Variants in C1orf94 observed in about 807,000 individuals in gnomAD.
The protein encoded by C1orf94 is uncharacterized protein C1orf94.
A neutral mutation model predicts 53.6 loss-of-function variants in C1orf94; 45 were observed. That is an observed-to-expected ratio of 0.84 (90% CI 0.66 to 1.08). C1orf94 has a LOEUF of 1.08. C1orf94 is among the 50% of genes least tolerant of loss of function. The pLI, the probability that C1orf94 is intolerant of heterozygous loss-of-function variation, is 0.00. For synonymous variants in C1orf94, 304 were observed against 296.1 expected, an observed-to-expected ratio of 1.03 and a Z score of -0.27; for missense variants, 762 against 738.9, an observed-to-expected ratio of 1.03 and a Z score of -0.36.
intron 1 of C1orf94, among the ~76,000 whole-genome samples, chr1:34,188,133 A>C (rs1012870867): frequency 6.6e-6 from 1 of 152,142 alleles, no homozygotes; most frequent in Non-Finnish European, 1.5e-5. Flanking sequence ...CTATTTCTCC[A>C]AGGGTGCTGA....
chr1:34,171,653 T>C (rs921092792), intron 1 of C1orf94, among the ~76,000 whole-genome samples: 15 of 152,360 alleles, frequency 9.8e-5, no homozygotes, highest in African/African-American at 3.6e-4. Context: ...AGCATCTCTG[T>C]CTTTTATGAA....
intron 5 of C1orf94, among the ~76,000 whole-genome samples, chr1:34,208,461 C>T (rs1047161379): frequency 6.6e-6 from 1 of 152,174 alleles, no homozygotes; most frequent in Middle Eastern, 3.2e-3. Context: ...TGGGCCTGTC[C>T]GTAAGGACTG....
At chr1:34,212,508 A>G in intron 6 of C1orf94, 102 bp downstream of exon 6, 1 of 1,214,332 alleles carries the variant, frequency 8.2e-7, no homozygotes, top group East Asian at 2.6e-5. Context: ...TGTGTGTTCC[A>G]TGGCTGTGGG....
At chr1:34,198,009 C>A in intron 2 of C1orf94, 96 bp downstream of exon 2, 1 of 1,287,090 alleles carries the variant, frequency 7.8e-7, no homozygotes, top group Non-Finnish European at 1.1e-6. Context: ...AAAGCATCTT[C>A]ATGCAAAGCA....
At chr1:34,215,559 AG>A (rs907448565) in intron 6 of C1orf94, among the ~76,000 whole-genome samples, 2 of 152,172 alleles carry the variant, frequency 1.3e-5, no homozygotes, top group Non-Finnish European at 2.9e-5. Context: ...ACCCTGGGAA[AG>A]GGGGCAGGTG....
chr1:34,178,511 T>A (rs960132512), intron 1 of C1orf94, among the ~76,000 whole-genome samples: 1 of 152,220 alleles, frequency 6.6e-6, no homozygotes, highest in African/African-American at 2.4e-5. Context: ...TCTGATGGTT[T>A]TAAATCACAT....
At chr1:34,190,177 C>T (rs1642460185) in intron 1 of C1orf94, among the ~76,000 whole-genome samples, 1 of 152,154 alleles carries the variant, frequency 6.6e-6, no homozygotes, top group East Asian at 1.9e-4. Flanking sequence ...CTGTAAAACC[C>T]AGCACCTAGC....
intron 1 of C1orf94, among the ~76,000 whole-genome samples, chr1:34,184,154 T>C (rs1642351149): frequency 6.6e-6 from 1 of 152,062 alleles, no homozygotes; most frequent in Admixed American, 6.5e-5. Context: ...CTGCACTGTG[T>C]GATGAAAGAT....
At chr1:34,176,725 G>A (rs866434788), upstream of C1orf94, among the ~76,000 whole-genome samples, 6 of 152,334 alleles carry the variant, frequency 3.9e-5, no homozygotes, top group Non-Finnish European at 5.9e-5. Context: ...ATGGCAGTTA[G>A]GATTAAAATC....
intron 6 of C1orf94, 92 bp from the exon 7 acceptor site, chr1:34,218,592 TTC>T: frequency 1.9e-6 from 2 of 1,026,892 alleles, no homozygotes; most frequent in Middle Eastern, 3.3e-4. Flanking sequence ...TCTTCACTGT[TTC>T]TGACAACCAT....
chr1:34,189,580 A>G (rs1642449198), intron 1 of C1orf94, among the ~76,000 whole-genome samples: 1 of 152,166 alleles, frequency 6.6e-6, no homozygotes, highest in Admixed American at 6.5e-5. Context: ...CCCTATGCAG[A>G]CAGGTAGACT....
At chr1:34,208,717 G>A (rs1370303821) in intron 5 of C1orf94, among the ~76,000 whole-genome samples, 1 of 152,162 alleles carries the variant, frequency 6.6e-6, no homozygotes, top group Admixed American at 6.5e-5. Context: ...AGGTTTAGGT[G>A]GGTTCCATGT....
chr1:34,197,385 A>ATTC lies in C1orf94; in HGVS notation c.484_486dup (p.Leu162dup), dbSNP rs1642605167. On this transcript the variant is annotated inframe_insertion, in exon 2 of 7. Coordinates refer to ENST00000488417, the MANE Select transcript of C1orf94 (RefSeq NM_001134734.2). The surrounding 1 kb of genome is among the most constrained non-coding windows in gnomAD (Gnocchi z 4.1). ...GGGGACCAGAGAGCTGGCTCCCTGC[A>ATTC]TTCTTGCCCCTCCTCTAGTGGCAGG... The ATTC allele has an allele frequency of 6.2e-7, 1 of 1,613,460 alleles. No homozygotes were observed. Among genetic ancestry groups the ATTC allele is most frequent in the Non-Finnish European group, 8.5e-7 (1 of 1,179,694 alleles).
At chr1:34,179,915 A>G (rs1557476676) in intron 1 of C1orf94, among the ~76,000 whole-genome samples, 1 of 152,196 alleles carries the variant, frequency 6.6e-6, no homozygotes, top group Non-Finnish European at 1.5e-5. Context: ...AGTTCTGAGT[A>G]GGGCTGAATT....
chr1:34,197,581 G>A lies in C1orf94; in HGVS notation c.677G>A (p.Gly226Asp), dbSNP rs150717341. The A allele has an allele frequency of 8.7e-6, 14 of 1,614,022 alleles. No homozygotes were observed. The African/African-American group carries it at 1.7e-4, about 20-fold the overall frequency. Residue 226 changes from glycine to aspartate, a missense_variant, in exon 2 of 7, where the codon GGC becomes GAC. Gly to Asp is a moderately conservative substitution (Grantham distance 94). Coordinates refer to ENST00000488417, the MANE Select transcript of C1orf94 (RefSeq NM_001134734.2). This position sits in a 1 kb window ranked among gnomAD's most constrained non-coding sequence, Gnocchi z 4.1. ...AGCAGCAAGGGGACAGAGGACAGGGGCCGCATCCTAGGTGACTCCAACTTG... is the reference window on the plus strand; with the variant it reads ...AGCAGCAAGGGGACAGAGGACAGGGACCGCATCCTAGGTGACTCCAACTTG... ...VKSSKGTEDR[G>D]RILGDSNLQV...
rs1642243258 is a variant in C1orf94, at chr1:34,177,300, C to T, written c.-490C>T. ...CTCCCTGGGAACGCCCAGGCGAGCG[C>T]CTCCTGCGGGGCCCCGCCCCCCGAG... On this transcript the variant is annotated 5_prime_UTR_variant, in exon 1 of 7. Coordinates refer to ENST00000488417, the MANE Select transcript of C1orf94 (RefSeq NM_001134734.2). Among the ~76,000 whole-genome samples, 1 of 152,114 alleles carries T rather than the reference C, an allele frequency of 6.6e-6. No individual in the cohort carries two copies. The highest frequency in any genetic ancestry group is 2.4e-5 in the African/African-American group (1 of 41,444).
chr1:34,181,152 T>A (rs576752763), intron 1 of C1orf94, among the ~76,000 whole-genome samples: 39 of 152,334 alleles, frequency 2.6e-4, no homozygotes, highest in Non-Finnish European at 4.6e-4. Flanking sequence ...CAAATCTATG[T>A]CTTTTTTCTT....
rs1281734609 is a variant in C1orf94, at chr1:34,177,948, C to T, written c.159C>T (p.Ile53=). 2 of 1,551,740 alleles carry T rather than the reference C, an allele frequency of 1.3e-6. No individual in the cohort carries two copies. Among genetic ancestry groups the T allele is most frequent in the African/African-American group, 1.4e-5 (1 of 73,180 alleles). ...ALGPFPRYIW[I]HQDTPQDSLD... ...GCCCATTCCCCAGATACATCTGGAT[C>T]CACCAGGACACACCCCAAGACAGCC... The change falls in exon 1 of 7, where the codon ATC becomes ATT. Residue 53 remains isoleucine, a synonymous_variant. Coordinates refer to ENST00000488417, the MANE Select transcript of C1orf94 (RefSeq NM_001134734.2).
intron 1 of C1orf94, among the ~76,000 whole-genome samples, chr1:34,169,727 G>T (rs1642114873): frequency 6.6e-6 from 1 of 152,082 alleles, no homozygotes; most frequent in African/African-American, 2.4e-5. Context: ...ACAAAGATGG[G>T]CTCAGAGGAA....
Sources: gnomAD v4.1 joint callset for allele counts (sites outside exome capture counted in the v4.1 genomes callset) on GRCh38, gnomAD v4.1.1 for gene constraint, Gnocchi (gnomAD v3.1) non-coding constraint, MANE v1.5 for transcripts, NCBI Gene and HGNC (gene_info 2026-07-23, HGNC 2026-07-21) for gene names.